ATF7: variants seen among roughly 807,000 people sequenced by gnomAD.
The protein encoded by ATF7 is cyclic AMP-dependent transcription factor ATF-7.
A neutral mutation model predicts 50.4 loss-of-function variants in ATF7; 10 were observed. The observed-to-expected ratio is 0.20, with a 90% CI of 0.12 to 0.34. ATF7 has a LOEUF of 0.34. Among genes scored for constraint, ATF7 ranks in the 10% least tolerant of loss-of-function variants. The probability of loss-of-function intolerance (pLI) is 1.00; values close to 1 mark genes in which losing one functional copy is unlikely to be tolerated. For missense variants in ATF7, 465 were observed against 613.9 expected (o/e 0.76, Z 2.56); for synonymous variants, 201 against 226.4 (o/e 0.89, Z 1.01).
In ATF7 at chr12:53,552,641, A is replaced by C. The variant is rs917683185; in HGVS notation, c.49-4T>G. ...GGTGGTCCTCGTTTGTAAATCTCTG[A>C]AACGAAACAGAAATGGAGATATGAA... On this transcript the variant is annotated splice_region_variant and splice_polypyrimidine_tract_variant and intron_variant, in intron 2 of 11. Coordinates refer to ENST00000420353, the MANE Select transcript of ATF7 (RefSeq NM_006856.3). 3 of 1,609,968 alleles carry C rather than the reference A, an allele frequency of 1.9e-6. No homozygotes were observed. The African/African-American group carries it at 4.0e-5, about 22-fold the overall frequency.
chr12:53,525,346 T>C (rs1435832424), intron 9 of ATF7, among the ~76,000 whole-genome samples: 1 of 152,006 alleles, frequency 6.6e-6, no homozygotes, highest in Non-Finnish European at 1.5e-5. Context: ...AGAGCGAAAC[T>C]CCGTCTCACA....
rs1944162087 is a variant in ATF7, at chr12:53,512,592, G to C, written c.*4545C>G. The stretch of plus-strand genomic sequence containing the variant: ...TAGGGGGAGGAATGGGACAGCTGAA[G>C]CTTGGCTGGTCCTTACTGTAACAGA... On this transcript the variant is annotated 3_prime_UTR_variant, in exon 12 of 12. Transcript: ENST00000420353. The C allele has an allele frequency of 1.3e-5, 2 of 152,240 alleles. No individual in the cohort carries two copies. The highest frequency in any genetic ancestry group is 3.8e-4 in the East Asian group (2 of 5,200). 9.4% of individuals were successfully genotyped at this position (152,240 alleles called of 1,614,324 possible). A position where few individuals can be genotyped will look rare whatever the true frequency, so the allele number is the denominator to read the frequency against.
Position 53,524,678 on chromosome 12 carries a change from G to T in ATF7, c.1011C>A (p.Arg337=). The stretch of plus-strand genomic sequence containing the variant: ...CTGCAGCCCGGTTGCGCTCCAGAAA[G>T]CGCTGCCGTCGCTCATCTGGATCTT... The part of the protein sequence containing the change: ...VDEDPDERRQ[R]FLERNRAAAS... Residue 337 remains arginine, a synonymous_variant, in exon 10 of 12, where the codon CGC becomes CGA. Transcript: ENST00000420353. The surrounding 1 kb of genome is among the most constrained non-coding windows in gnomAD (Gnocchi z 4.6). The T allele has an allele frequency of 6.2e-7, 1 of 1,613,592 alleles. No individual in the cohort carries two copies. Among genetic ancestry groups the T allele is most frequent in the Non-Finnish European group, 8.5e-7 (1 of 1,179,896 alleles).
chr12:53,543,534 G>A, intron 3 of ATF7, 86 bp from the exon 4 acceptor site: 1 of 1,350,318 alleles, frequency 7.4e-7, no homozygotes, highest in Non-Finnish European at 1.0e-6. Context: ...GAATGCATTT[G>A]TACTTTTTGA....
At chr12:53,570,945 A>C (rs979697930) in intron 2 of ATF7, among the ~76,000 whole-genome samples, 3 of 152,046 alleles carry the variant, frequency 2.0e-5, no homozygotes, top group Non-Finnish European at 4.4e-5. Context: ...ATTCAATTCA[A>C]TCCATAACAG....
rs1454749770 is a variant in ATF7, at chr12:53,513,471, T to C, written c.*3666A>G. 1.3e-5 allele frequency: 2 copies of C among 152,080 alleles called. No homozygotes were observed. The highest frequency in any genetic ancestry group is 2.4e-5 in the African/African-American group (1 of 41,398). 9.4% of individuals were successfully genotyped at this position (152,080 alleles called of 1,614,324 possible). A position where few individuals can be genotyped will look rare whatever the true frequency, so the allele number is the denominator to read the frequency against. ...GCCTTAGGATCCCCACCTTTCCTGT[T>C]CTTCCAGACACCCCCACCCCCGTCA... On this transcript the variant is annotated 3_prime_UTR_variant, in exon 12 of 12. Coordinates refer to ENST00000420353, the MANE Select transcript of ATF7 (RefSeq NM_006856.3).
At chr12:53,572,078 A>AG (rs1941797495) in intron 2 of ATF7, among the ~76,000 whole-genome samples, 1 of 152,162 alleles carries the variant, frequency 6.6e-6, no homozygotes, top group South Asian at 2.1e-4. Flanking sequence ...AAAAAAAAAA[A>AG]GAAAAAGTGT....
intron 8 of ATF7, 41 bp from the exon 9 acceptor site, chr12:53,531,937 A>T: frequency 1.2e-6 from 2 of 1,607,190 alleles, no homozygotes; most frequent in Non-Finnish European, 1.7e-6. Flanking sequence ...TAAGGATCAG[A>T]TTCTATCAAG....
chr12:53,550,331 A>AAAATAAATAAAT (rs200164879), intron 3 of ATF7, among the ~76,000 whole-genome samples: 20 of 123,648 alleles, frequency 1.6e-4, no homozygotes, highest in African/African-American at 5.3e-4. Flanking sequence ...CTCAAAAAAA[A>AAAATAAATAAAT]AAATAAATAA....
Position 53,543,458 on chromosome 12 carries a change from T to A in ATF7, c.146-10A>T. On this transcript the variant is annotated splice_polypyrimidine_tract_variant and intron_variant, in intron 3 of 11. Coordinates refer to ENST00000420353, the MANE Select transcript of ATF7 (RefSeq NM_006856.3). ...GGAGTAGGCGTTTGATCTGTAGACA[T>A]GAAAGAAAAGGAAACTGTTTTAGTT... 1 of 1,566,448 alleles carries A rather than the reference T, an allele frequency of 6.4e-7. No homozygotes were observed. The highest frequency in any genetic ancestry group is 8.6e-7 in the Non-Finnish European group (1 of 1,156,172).
At chr12:53,599,026 A>T (rs140482234) in intron 2 of ATF7, among the ~76,000 whole-genome samples, 5 of 152,194 alleles carry the variant, frequency 3.3e-5, no homozygotes, top group African/African-American at 1.2e-4. Context: ...ATTTGGAGAG[A>T]TCATTTTTAA....
chr12:53,559,121 T>TAAATAAAAAA (rs1940929772), intron 2 of ATF7, among the ~76,000 whole-genome samples: 1 of 136,486 alleles, frequency 7.3e-6, no homozygotes, highest in African/African-American at 2.7e-5. Flanking sequence ...TGTCTCTATT[T>TAAATAAAAAA]AAAAAAAAAA....
At chr12:53,610,367 C>T (rs1943811303) in intron 1 of ATF7, among the ~76,000 whole-genome samples, 1 of 151,808 alleles carries the variant, frequency 6.6e-6, no homozygotes, top group East Asian at 1.9e-4. Flanking sequence ...ACGTTGAAGA[C>T]CAGTCTGGCT....
chr12:53,581,397 T>A (rs2137700425), intron 2 of ATF7, among the ~76,000 whole-genome samples: 2 of 152,286 alleles, frequency 1.3e-5, no homozygotes, highest in South Asian at 4.1e-4. Flanking sequence ...GATTATACAT[T>A]CTTCTTAGCT....
At chr12:53,591,252 G>A (rs1003940996) in intron 2 of ATF7, among the ~76,000 whole-genome samples, 5 of 150,426 alleles carry the variant, frequency 3.3e-5, no homozygotes, top group East Asian at 1.9e-4. Context: ...CCAGTACCAC[G>A]GCTAATAAGA....
intron 2 of ATF7, among the ~76,000 whole-genome samples, chr12:53,568,207 A>G (rs1250110296): frequency 6.6e-6 from 1 of 152,220 alleles, no homozygotes; most frequent in African/African-American, 2.4e-5. Flanking sequence ...GTCAGTACTG[A>G]GACCACAATA....
intron 2 of ATF7, among the ~76,000 whole-genome samples, chr12:53,560,168 C>T (rs1327615508): frequency 6.6e-6 from 1 of 152,070 alleles, no homozygotes; most frequent in East Asian, 1.9e-4. Context: ...ATGATCCACC[C>T]GCCTTGGCCT....
intron 3 of ATF7, among the ~76,000 whole-genome samples, chr12:53,547,391 T>C (rs1388114427): frequency 2.0e-5 from 3 of 150,946 alleles, no homozygotes; most frequent in African/African-American, 7.3e-5. Flanking sequence ...GTTCAAGTGA[T>C]TCTCCTGCCT....
intron 9 of ATF7, among the ~76,000 whole-genome samples, chr12:53,528,112 A>G (rs1194596016): frequency 1.3e-5 from 2 of 151,802 alleles, no homozygotes; most frequent in East Asian, 3.9e-4. Flanking sequence ...AAGTGCTGGG[A>G]TTACAGATGT....
Sources: gnomAD v4.1 joint callset for allele counts (sites outside exome capture counted in the v4.1 genomes callset) on GRCh38, gnomAD v4.1.1 for gene constraint, Gnocchi (gnomAD v3.1) non-coding constraint, MANE v1.5 for transcripts, NCBI Gene and HGNC (gene_info 2026-07-23, HGNC 2026-07-21) for gene names.